The following EYA4 variants were observed in gnomAD, a reference collection of about 807,000 sequenced individuals.
EYA4 encodes the protein protein phosphatase EYA4.
In EYA4, 31 loss-of-function variants were observed where a neutral mutation model predicts 87.9. That is an observed-to-expected ratio of 0.35 (90% CI 0.27 to 0.48). The LOEUF is 0.48. Ranked by LOEUF, EYA4 falls within the 20% of genes least tolerant of loss-of-function variation. EYA4 has a pLI of 0.99. For missense variants in EYA4, 678 were observed against 761.4 expected (o/e 0.89, Z 1.29); for synonymous variants, 263 against 270.6 (o/e 0.97, Z 0.28).
intron 3 of EYA4, among the ~76,000 whole-genome samples, chr6:133,406,859 G>A (rs1788754318): frequency 6.6e-6 from 1 of 152,132 alleles, no homozygotes; most frequent in African/African-American, 2.4e-5. Flanking sequence ...GTTTTCGAGT[G>A]TAAATTAGGG....
intron 14 of EYA4, among the ~76,000 whole-genome samples, chr6:133,508,904 A>C (rs1332930897): frequency 2.0e-5 from 3 of 152,140 alleles, no homozygotes; most frequent in African/African-American, 7.2e-5. Context: ...ATAGCTTTTT[A>C]GTTGTGTTTT....
rs539315279 is a variant in EYA4, at chr6:133,320,394, GTTAA to G, written c.33+45585_33+45588del. On this transcript the variant is annotated intron_variant, in intron 2 of 19. Coordinates refer to ENST00000355286, the MANE Select transcript of EYA4 (RefSeq NM_004100.5). ...AAATGCTCACTGAATAATTCTCATT[GTTAA>G]TTAGAGTTTGGTTTTATTTTTTTAA... Among the ~76,000 whole-genome samples, 547 of 151,734 alleles carry G rather than the reference GTTAA, an allele frequency of 3.6e-3. 1 individual carries two copies. Among genetic ancestry groups the G allele is most frequent in the Non-Finnish European group, 6.0e-3 (410 of 67,874 alleles).
intron 2 of EYA4, among the ~76,000 whole-genome samples, chr6:133,280,504 C>T (rs1008339464): frequency 2.0e-5 from 3 of 152,092 alleles, no homozygotes; most frequent in African/African-American, 4.8e-5. Flanking sequence ...TCAAGTGATT[C>T]TCCTGCCTCA....
chr6:133,368,657 G>A (rs1785037475), intron 2 of EYA4, among the ~76,000 whole-genome samples: 2 of 152,070 alleles, frequency 1.3e-5, no homozygotes, highest in African/African-American at 4.8e-5. Flanking sequence ...GATCTCTGGC[G>A]CTCTAAAATA....
Position 133,316,025 on chromosome 6 carries a change from G to A in EYA4, c.33+41212G>A, listed in dbSNP as rs541365540. The stretch of plus-strand genomic sequence containing the variant: ...CTCCAGAAAGCACTTCTGCTTTCCC[G>A]TAGGGCATCCCGCAGACCCTGGCTG... On this transcript the variant is annotated intron_variant, in intron 2 of 19. Coordinates refer to ENST00000355286, the MANE Select transcript of EYA4 (RefSeq NM_004100.5). Among the ~76,000 whole-genome samples, 314 of 152,228 alleles carry A rather than the reference G, an allele frequency of 2.1e-3. 1 individual carries two copies. Among genetic ancestry groups the A allele is most frequent in the African/African-American group, 6.6e-3 (274 of 41,534 alleles).
chr6:133,348,316 C>T (rs1415999531), intron 2 of EYA4, among the ~76,000 whole-genome samples: 1 of 137,576 alleles, frequency 7.3e-6, no homozygotes, highest in Non-Finnish European at 1.5e-5. Context: ...CTCTGTTGCC[C>T]AGGCTGGAGT....
intron 1 of EYA4, among the ~76,000 whole-genome samples, chr6:133,250,286 C>G (rs190945887): frequency 1.3e-5 from 2 of 152,182 alleles, no homozygotes; most frequent in East Asian, 3.9e-4. Flanking sequence ...TCTGGAGATA[C>G]GGTAATTTCA....
At chr6:133,369,516 TTTCCA>T (rs71678976) in intron 2 of EYA4, among the ~76,000 whole-genome samples, 4,609 of 152,242 alleles carry the variant, frequency 0.03, 165 homozygotes, top group East Asian at 0.2. Context: ...TGTAATTATC[TTTCCA>T]TTTTGTTGAC....
chr6:133,425,046 C>T (rs1583241625), intron 3 of EYA4, among the ~76,000 whole-genome samples: 2 of 150,718 alleles, frequency 1.3e-5, no homozygotes, highest in Admixed American at 6.6e-5. Context: ...TGGGTCATTC[C>T]TTTTATTGCT....
chr6:133,317,421 C>T (rs994122818), intron 2 of EYA4, among the ~76,000 whole-genome samples: 1 of 152,170 alleles, frequency 6.6e-6, no homozygotes, highest in Non-Finnish European at 1.5e-5. Flanking sequence ...TGGGTAAGCA[C>T]TGGAACCAAC....
Position 133,401,031 on chromosome 6 carries a change from A to AT in EYA4, c.83+18591dup, listed in dbSNP as rs564912587. 1.7e-3 allele frequency among the ~76,000 whole-genome samples: 266 copies of AT among 152,348 alleles called. 3 individuals carry two copies. Among genetic ancestry groups the AT allele is most frequent in the Admixed American group, 0.016 (241 of 15,300 alleles). ...AATGAATCGGTAAAGAAAATGTGGT[A>AT]TATGTATACAATGGAATATTATTCA... On this transcript the variant is annotated intron_variant, in intron 3 of 19. Transcript: ENST00000355286.
Position 133,367,412 on chromosome 6 carries a change from C to T in EYA4, c.34-14980C>T, listed in dbSNP as rs79803627. Among the ~76,000 whole-genome samples, 901 of 152,248 alleles carry T rather than the reference C, an allele frequency of 5.9e-3. 21 individuals carry two copies. The highest frequency in any genetic ancestry group is 0.057 in the East Asian group (296 of 5,178). On this transcript the variant is annotated intron_variant, in intron 2 of 19. Transcript: ENST00000355286. ...ATTTATTTTCTTGATTTTAAAAATA[C>T]GTATATATGTGGCAAGACTTCTACC...
chr6:133,279,968 C>CA (rs1777492072), intron 2 of EYA4, among the ~76,000 whole-genome samples: 1 of 151,974 alleles, frequency 6.6e-6, no homozygotes, highest in Non-Finnish European at 1.5e-5. Context: ...GTGACATTAT[C>CA]AAAATCCTAA....
At chr6:133,273,356 C>T (rs987736485) in intron 1 of EYA4, among the ~76,000 whole-genome samples, 4 of 152,004 alleles carry the variant, frequency 2.6e-5, no homozygotes, top group African/African-American at 9.7e-5. Context: ...TAGATTGTGC[C>T]TGCCAGATTA....
intron 2 of EYA4, among the ~76,000 whole-genome samples, chr6:133,364,314 T>C (rs1784693173): frequency 2.6e-5 from 4 of 152,150 alleles, no homozygotes; most frequent in African/African-American, 9.7e-5. Context: ...TCACAGTTAT[T>C]TATATAGATG....
Position 133,462,625 on chromosome 6 carries a change from G to C in EYA4, c.585G>C (p.Leu195Phe), listed in dbSNP as rs1794498749. The C allele has an allele frequency of 1.2e-6, 2 of 1,613,810 alleles. No homozygotes were observed. Among genetic ancestry groups the C allele is most frequent in the African/African-American group, 2.7e-5 (2 of 74,884 alleles). ...GQPYSLPTYD[L>F]GVMLPAIKTE... is the part of the protein sequence containing the mutation. ...CACATTCAATTTTCTGAACAGATTTGGGTGTGATGTTGCCAGCCATCAAGA... is the reference window on the plus strand; with the variant it reads ...CACATTCAATTTTCTGAACAGATTTCGGTGTGATGTTGCCAGCCATCAAGA... Residue 195 changes from leucine to phenylalanine, a missense_variant, in exon 9 of 20, where the codon TTG (leucine) becomes TTC (phenylalanine). Physicochemically the swap from Leu to Phe is conservative, Grantham distance 22. Coordinates refer to ENST00000355286, the MANE Select transcript of EYA4 (RefSeq NM_004100.5).
At chr6:133,266,809 G>T (rs1304013362) in intron 1 of EYA4, among the ~76,000 whole-genome samples, 2 of 151,820 alleles carry the variant, frequency 1.3e-5, no homozygotes, top group South Asian at 2.1e-4. Flanking sequence ...TCCTAAAATG[G>T]CTATACATTT....
At chr6:133,274,886 T>G (rs911536575) in intron 2 of EYA4, 73 bp downstream of exon 2, 2 of 1,119,176 alleles carry the variant, frequency 1.8e-6, no homozygotes. Context: ...AAAAGAGATA[T>G]ATTGTAAGAA....
At chr6:133,255,953 G>T (rs1775301238) in intron 1 of EYA4, among the ~76,000 whole-genome samples, 1 of 151,882 alleles carries the variant, frequency 6.6e-6, no homozygotes, top group South Asian at 2.1e-4. Flanking sequence ...AAATATGTAT[G>T]TGCATTTTCC....
Sources: gnomAD v4.1 joint callset for allele counts (sites outside exome capture counted in the v4.1 genomes callset) on GRCh38, gnomAD v4.1.1 for gene constraint, MANE v1.5 for transcripts, NCBI Gene and HGNC (gene_info 2026-07-23, HGNC 2026-07-21) for gene names.